The following SLC35F4 variants were observed in gnomAD, a reference collection of about 807,000 sequenced individuals.
SLC35F4 encodes the protein solute carrier family 35 member F4.
A neutral mutation model predicts 44.2 loss-of-function variants in SLC35F4; 24 were observed. That is an observed-to-expected ratio of 0.54 (90% CI 0.39 to 0.76). The LOEUF is 0.76. Among genes scored for constraint, SLC35F4 ranks in the 30% least tolerant of loss-of-function variants. The probability of loss-of-function intolerance (pLI) is 0.00; values close to 1 mark genes in which losing one functional copy is unlikely to be tolerated. For missense variants in SLC35F4, 562 were observed against 586.1 expected (o/e 0.96, Z 0.42); for synonymous variants, 238 against 223.6 (o/e 1.06, Z -0.57).
intron 1 of SLC35F4, among the ~76,000 whole-genome samples, chr14:57,856,786 T>C (rs1230040757): frequency 6.6e-6 from 1 of 152,024 alleles, no homozygotes; most frequent in Admixed American, 6.6e-5. Flanking sequence ...TGAACAAGGA[T>C]AGATATTTAT....
Position 57,593,839 on chromosome 14 carries a change from A to G in SLC35F4, c.289+100T>C. On this transcript the variant is annotated intron_variant, in intron 2 of 7. Coordinates refer to ENST00000556826, the MANE Select transcript of SLC35F4 (RefSeq NM_001306087.2). ...AAGCTTCCCCACATGTACTCATAAG[A>G]GTCCGTGTAACATCTCTGCATTCTG... 3.8e-6 allele frequency: 5 copies of G among 1,301,750 alleles called. No homozygotes were observed. In the South Asian group the frequency reaches 4.3e-5, roughly 11 times the overall value. 80.6% of individuals were successfully genotyped at this position (1,301,750 alleles called of 1,614,324 possible). A position where few individuals can be genotyped will look rare whatever the true frequency, so the allele number is the denominator to read the frequency against.
At chr14:57,655,692 C>T (rs555411103) in intron 1 of SLC35F4, among the ~76,000 whole-genome samples, 2 of 152,210 alleles carry the variant, frequency 1.3e-5, no homozygotes, top group African/African-American at 4.8e-5. Context: ...TGCCAAGGCT[C>T]GCACCTCAGG....
intron 1 of SLC35F4, among the ~76,000 whole-genome samples, chr14:57,751,242 C>T (rs11621133): frequency 0.18 from 27,992 of 152,176 alleles, 2,888 homozygotes; most frequent in South Asian, 0.28. Context: ...TGATTTCAAA[C>T]CCTGTGCTCC....
Position 57,688,813 on chromosome 14 carries a change from A to G in SLC35F4, c.104-94689T>C, listed in dbSNP as rs1013179569. On this transcript the variant is annotated intron_variant, in intron 1 of 7. Transcript: ENST00000556826. ...GACAAATGCTTGAAAATTCAAGCAG[A>G]ATTGTGCATTATTACAAAGGGCTCC... 8.5e-5 allele frequency among the ~76,000 whole-genome samples: 13 copies of G among 152,272 alleles called. No individual in the cohort carries two copies. In the East Asian group the frequency reaches 2.5e-3, roughly 29 times the overall value.
At chr14:57,817,060 G>T (rs77038140) in intron 1 of SLC35F4, among the ~76,000 whole-genome samples, 75 of 152,276 alleles carry the variant, frequency 4.9e-4, no homozygotes, top group African/African-American at 1.6e-3. Context: ...TCTGGAACTA[G>T]TGACTCACCA....
intron 4 of SLC35F4, among the ~76,000 whole-genome samples, chr14:57,572,589 T>G (rs1349337705): frequency 6.6e-6 from 1 of 152,252 alleles, no homozygotes; most frequent in Non-Finnish European, 1.5e-5. Context: ...AAGCTGAGTC[T>G]GCACTGTCAC....
At chr14:57,755,199 C>T (rs1227685577) in intron 1 of SLC35F4, among the ~76,000 whole-genome samples, 4 of 152,270 alleles carry the variant, frequency 2.6e-5, no homozygotes, top group South Asian at 2.1e-4. Context: ...CCACAGGGCT[C>T]GCTGTGTTGG....
At chr14:57,970,668 A>G (rs1881026255) in intron 1 of SLC35F4, among the ~76,000 whole-genome samples, 1 of 152,188 alleles carries the variant, frequency 6.6e-6, no homozygotes, top group Non-Finnish European at 1.5e-5. Context: ...CCAAATTATA[A>G]TTAGGACAAA....
At chr14:57,711,614 G>C (rs1035400994) in intron 1 of SLC35F4, among the ~76,000 whole-genome samples, 2 of 114,372 alleles carry the variant, frequency 1.7e-5, no homozygotes, top group African/African-American at 5.2e-5. Flanking sequence ...CATTTGTTAT[G>C]GTGCTCTATC....
At chr14:57,626,069 A>G (rs1191782190) in intron 1 of SLC35F4, among the ~76,000 whole-genome samples, 1 of 149,564 alleles carries the variant, frequency 6.7e-6, no homozygotes, top group Non-Finnish European at 1.5e-5. Context: ...AACTAACACA[A>G]GAACAGAAAA....
rs183849163 is a variant in SLC35F4 at position 57,804,510 on chromosome 14, G to A, written c.103+61213C>T. ...ATCTTCAACAAGCTCACAAAAACAAGCAATGGGGAAAGGACTCCCTATTTA... is the reference window on the plus strand; with the variant it reads ...ATCTTCAACAAGCTCACAAAAACAAACAATGGGGAAAGGACTCCCTATTTA... On this transcript the variant is annotated intron_variant, in intron 1 of 7. Transcript: ENST00000556826. Among the ~76,000 whole-genome samples the A allele has an allele frequency of 2.0e-5, 3 of 152,256 alleles. No homozygotes were observed. In the East Asian group the frequency reaches 5.8e-4, roughly 29 times the overall value.
At chr14:57,957,481 A>G (rs1890260639) in intron 1 of SLC35F4, among the ~76,000 whole-genome samples, 1 of 152,192 alleles carries the variant, frequency 6.6e-6, no homozygotes, top group Non-Finnish European at 1.5e-5. Flanking sequence ...AAATTTTGCA[A>G]ATTCACCTAC....
At chr14:57,821,209 T>C (rs8020918) in intron 1 of SLC35F4, among the ~76,000 whole-genome samples, 1,788 of 147,784 alleles carry the variant, frequency 0.012, 36 homozygotes, top group African/African-American at 0.041. Context: ...ATTTTTGTGA[T>C]GCCAAAGGCA....
chr14:57,902,644 GA>G lies in SLC35F4; in HGVS notation n.282+79268del, dbSNP rs756550967. On this transcript the variant is annotated intron_variant and non_coding_transcript_variant, in intron 1 of 1. Transcript: ENST00000556568. Reference sequence around the variant, plus strand: ...TATGGGAACGATTCAAATAAATGAAGAAAAAAATCATGTGTATAAAAATATT... The same window carrying G: ...TATGGGAACGATTCAAATAAATGAAGAAAAAATCATGTGTATAAAAATATT... Among the ~76,000 whole-genome samples the G allele has an allele frequency of 3.3e-5, 5 of 151,184 alleles. No individual in the cohort carries two copies. In the South Asian group the frequency reaches 8.3e-4, roughly 25 times the overall value.
chr14:57,743,288 G>T (rs982421444), intron 1 of SLC35F4, among the ~76,000 whole-genome samples: 2 of 152,058 alleles, frequency 1.3e-5, no homozygotes, highest in Non-Finnish European at 2.9e-5. Flanking sequence ...TCCAGGAGCT[G>T]GTTTTTCTGA....
intron 1 of SLC35F4, among the ~76,000 whole-genome samples, chr14:57,839,997 A>G (rs1390916177): frequency 1.3e-5 from 2 of 152,336 alleles, no homozygotes; most frequent in African/African-American, 4.8e-5. Flanking sequence ...GAGTGATCTA[A>G]TAATGACACT....
chr14:57,625,665 G>A (rs571905045), intron 1 of SLC35F4, among the ~76,000 whole-genome samples: 2 of 152,168 alleles, frequency 1.3e-5, no homozygotes, highest in African/African-American at 4.8e-5. Context: ...CAACCATCTG[G>A]TCTTCGACAA....
intron 1 of SLC35F4, among the ~76,000 whole-genome samples, chr14:57,803,293 A>G (rs1433317855): frequency 6.6e-6 from 1 of 152,170 alleles, no homozygotes; most frequent in African/African-American, 2.4e-5. Flanking sequence ...TAGGTACTGA[A>G]GGAACATAAC....
intron 1 of SLC35F4, among the ~76,000 whole-genome samples, chr14:57,932,621 G>A (rs138587407): frequency 1.1e-3 from 169 of 152,254 alleles, no homozygotes; most frequent in African/African-American, 4.0e-3. Flanking sequence ...GGCTGAGGCA[G>A]GTGGATCACT....
Sources: allele counts gnomAD v4.1 joint callset (sites outside exome capture counted in the v4.1 genomes callset), GRCh38; gene constraint gnomAD v4.1.1; transcripts MANE v1.5; gene names NCBI Gene and HGNC (gene_info 2026-07-23, HGNC 2026-07-21).